ADGRL3: variants seen among roughly 807,000 people sequenced by gnomAD.
ADGRL3 encodes adhesion G protein-coupled receptor L3, also known as calcium-independent alpha-latrotoxin receptor 3.
Under a neutral mutation model 153.5 loss-of-function variants are expected in ADGRL3, and 62 were observed. The observed-to-expected ratio is 0.40, with a 90% CI of 0.33 to 0.50. The LOEUF is 0.50. Ranked by LOEUF, ADGRL3 falls within the 20% of genes least tolerant of loss-of-function variation. ADGRL3 has a pLI of 0.47. For missense variants in ADGRL3, 1,641 were observed against 1,859.4 expected, an observed-to-expected ratio of 0.88 and a Z score of 2.16; for synonymous variants, 710 against 672.5, an observed-to-expected ratio of 1.06 and a Z score of -0.86.
chr4:62,015,181 A>G (rs975862282), intron 21 of ADGRL3, among the ~76,000 whole-genome samples: 3 of 152,104 alleles, frequency 2.0e-5, no homozygotes, highest in Non-Finnish European at 4.4e-5. Flanking sequence ...CTGAGAACCA[A>G]TTGTTGCTGG....
Position 61,776,123 on chromosome 4 carries a change from A to G in ADGRL3, c.1400-37686A>G, listed in dbSNP as rs190771690. The stretch of plus-strand genomic sequence containing the variant: ...CACTGTGTTAGCCAGGATGATCTCG[A>G]TCTCCTGACCTTGTGATCCACCCGC... On this transcript the variant is annotated intron_variant, in intron 8 of 26. Transcript: ENST00000683033. Among the ~76,000 whole-genome samples, 203 of 151,964 alleles carry G rather than the reference A, an allele frequency of 1.3e-3. 2 individuals are homozygous for G. The highest frequency in any genetic ancestry group is 4.7e-3 in the African/African-American group (196 of 41,466).
At chr4:61,536,251 G>A (rs2098655158) in intron 4 of ADGRL3, among the ~76,000 whole-genome samples, 1 of 152,050 alleles carries the variant, frequency 6.6e-6, no homozygotes, top group African/African-American at 2.4e-5. Context: ...GATGATACTT[G>A]ATATTATTTC....
chr4:62,066,065 T>C (rs973392561), intron 25 of ADGRL3, among the ~76,000 whole-genome samples: 1 of 152,110 alleles, frequency 6.6e-6, no homozygotes, highest in Non-Finnish European at 1.5e-5. Flanking sequence ...AGAAGTTGAA[T>C]TGTACACTAT....
At chr4:61,214,471 GA>G (rs1741678584) in intron 1 of ADGRL3, among the ~76,000 whole-genome samples, 1 of 152,160 alleles carries the variant, frequency 6.6e-6, no homozygotes, top group African/African-American at 2.4e-5. Flanking sequence ...ATTTAAGTAT[GA>G]AAAGTAGGAG....
intron 3 of ADGRL3, among the ~76,000 whole-genome samples, chr4:61,509,232 A>T: frequency 6.8e-6 from 1 of 146,844 alleles, no homozygotes. Context: ...GGTTCAAGTG[A>T]TTCTCCTGCC....
At chr4:61,850,489 A>G (rs2149141012) in intron 9 of ADGRL3, among the ~76,000 whole-genome samples, 1 of 152,260 alleles carries the variant, frequency 6.6e-6, no homozygotes, top group Non-Finnish European at 1.5e-5. Context: ...TGAAATGACA[A>G]ATTTAACTTG....
intron 1 of ADGRL3, among the ~76,000 whole-genome samples, chr4:61,238,468 TG>T (rs1753688420): frequency 2.0e-5 from 3 of 151,894 alleles, no homozygotes; most frequent in Non-Finnish European, 2.9e-5. Flanking sequence ...TGTGTGTGTG[TG>T]TGTGTGTATG....
chr4:61,253,222 A>G (rs1354501026), intron 1 of ADGRL3, among the ~76,000 whole-genome samples: 1 of 152,202 alleles, frequency 6.6e-6, no homozygotes, highest in African/African-American at 2.4e-5. Context: ...AAATTTGCAA[A>G]CACAGCAAAG....
At chr4:61,751,832 C>A (rs35015281) in intron 8 of ADGRL3, among the ~76,000 whole-genome samples, 66,832 of 151,648 alleles carry the variant, frequency 0.44, 15,085 homozygotes, top group East Asian at 0.64. Flanking sequence ...GCAGGATTGA[C>A]AAAATGGTGG....
At chr4:61,913,708 T>G (rs922393240) in intron 13 of ADGRL3, among the ~76,000 whole-genome samples, 2 of 152,112 alleles carry the variant, frequency 1.3e-5, no homozygotes, top group African/African-American at 2.4e-5. Context: ...TTTCCAATGA[T>G]CTGAATATTC....
intron 6 of ADGRL3, among the ~76,000 whole-genome samples, chr4:61,706,291 A>C (rs753514912): frequency 3.9e-5 from 6 of 151,982 alleles, no homozygotes; most frequent in Non-Finnish European, 7.4e-5. Context: ...GCGTGGTGGC[A>C]CATGCCTGTA....
At chr4:61,745,997 A>G (rs568107614) in intron 8 of ADGRL3, among the ~76,000 whole-genome samples, 1 of 152,354 alleles carries the variant, frequency 6.6e-6, no homozygotes, top group Non-Finnish European at 1.5e-5. Flanking sequence ...AGCTCAAAAT[A>G]AAAGGATGGA....
intron 9 of ADGRL3, among the ~76,000 whole-genome samples, chr4:61,882,718 C>G (rs762531242): frequency 6.6e-6 from 1 of 152,160 alleles, no homozygotes; most frequent in Non-Finnish European, 1.5e-5. Context: ...AGATGCTATT[C>G]CCTCTGCTTA....
At position 62,071,219 on chromosome 4, in the gene ADGRL3, G is replaced by A. The variant is rs1745567054; in HGVS notation, c.*311G>A. The A allele has an allele frequency of 4.1e-6, 1 of 242,262 alleles. No individual in the cohort carries two copies. Among genetic ancestry groups the A allele is most frequent in the Non-Finnish European group, 8.0e-6 (1 of 124,240 alleles). The allele number at this position is 242,262 out of a possible 1,614,324, so 15.0% of individuals were successfully genotyped here. A position where few individuals can be genotyped will look rare whatever the true frequency, so the allele number is the denominator to read the frequency against. Reference sequence around the variant, plus strand: ...TTGTGGCCTTGTTGAATTATGTTGTGTATGTTTTAACATCTCTGATGCTGT... The same window carrying A: ...TTGTGGCCTTGTTGAATTATGTTGTATATGTTTTAACATCTCTGATGCTGT... On this transcript the variant is annotated 3_prime_UTR_variant, in exon 27 of 27. Coordinates refer to ENST00000683033, the MANE Select transcript of ADGRL3 (RefSeq NM_001387552.1).
At chr4:61,978,392 A>G (rs888560582) in intron 17 of ADGRL3, among the ~76,000 whole-genome samples, 4 of 152,112 alleles carry the variant, frequency 2.6e-5, no homozygotes, top group African/African-American at 9.6e-5. Flanking sequence ...CTTTAAATAT[A>G]GTACACTGAT....
chr4:61,833,139 T>C (rs1561324464), intron 9 of ADGRL3, among the ~76,000 whole-genome samples: 1 of 152,226 alleles, frequency 6.6e-6, no homozygotes, highest in Non-Finnish European at 1.5e-5. Flanking sequence ...GTGCCAAGAC[T>C]GAATCGCAAA....
At chr4:61,241,655 C>A (rs1344048137) in intron 1 of ADGRL3, among the ~76,000 whole-genome samples, 1 of 151,984 alleles carries the variant, frequency 6.6e-6, no homozygotes, top group Non-Finnish European at 1.5e-5. Flanking sequence ...AATCTTAACA[C>A]TCCTGAGATT....
intron 4 of ADGRL3, among the ~76,000 whole-genome samples, chr4:61,581,834 A>G (rs1284586132): frequency 1.4e-4 from 22 of 152,074 alleles, no homozygotes; most frequent in Admixed American, 1.3e-3. Context: ...TCAGTCATCA[A>G]ATCATGTAAT....
intron 1 of ADGRL3, among the ~76,000 whole-genome samples, chr4:61,335,105 A>G (rs1198605952): frequency 6.6e-6 from 1 of 152,154 alleles, no homozygotes; most frequent in East Asian, 1.9e-4. Flanking sequence ...GCTTAAAATA[A>G]TAGAACTGGT....
Sources: allele counts gnomAD v4.1 joint callset (sites outside exome capture counted in the v4.1 genomes callset), GRCh38; gene constraint gnomAD v4.1.1; transcripts MANE v1.5; gene names NCBI Gene and HGNC (gene_info 2026-07-23, HGNC 2026-07-21).